GRAMD1B: variants seen among roughly 807,000 people sequenced by gnomAD.
GRAMD1B encodes the protein GRAM domain containing 1B.
In GRAMD1B, 37 loss-of-function variants were observed where a neutral mutation model predicts 99.7. The ratio of observed to expected loss-of-function variants is 0.37; its 90% CI spans 0.29 to 0.49. GRAMD1B has a LOEUF of 0.49. Among genes scored for constraint, GRAMD1B ranks in the 20% least tolerant of loss-of-function variants. The pLI, the probability that GRAMD1B is intolerant of heterozygous loss-of-function variation, is 0.98. For synonymous variants in GRAMD1B, 427 were observed against 387.6 expected (o/e 1.10, Z -1.19); for missense variants, 888 against 1,009.2 (o/e 0.88, Z 1.63).
chr11:123,493,860 T>C (rs1184741326), intron 2 of GRAMD1B, among the ~76,000 whole-genome samples: 1 of 152,168 alleles, frequency 6.6e-6, no homozygotes, highest in Non-Finnish European at 1.5e-5. Context: ...TCCCTGTTAG[T>C]GACTCATCAC....
chr11:123,611,874 G>A (rs1953633837), intron 14 of GRAMD1B, among the ~76,000 whole-genome samples: 1 of 152,166 alleles, frequency 6.6e-6, no homozygotes, highest in Non-Finnish European at 1.5e-5. Context: ...GGGCGGGATG[G>A]ATTAGCTGGG....
chr11:123,568,626 G>T (rs545661007), intron 2 of GRAMD1B, among the ~76,000 whole-genome samples: 2 of 152,244 alleles, frequency 1.3e-5, no homozygotes, highest in Admixed American at 6.5e-5. Flanking sequence ...GAAGAAAGGC[G>T]TTAGCTTGGG....
intron 2 of GRAMD1B, among the ~76,000 whole-genome samples, chr11:123,499,896 G>A (rs1330623040): frequency 6.6e-6 from 1 of 152,206 alleles, no homozygotes; most frequent in African/African-American, 2.4e-5. Flanking sequence ...CGCTTGCTGT[G>A]GGATCCACAA....
At chr11:123,527,763 G>A (rs546771135) in intron 2 of GRAMD1B, among the ~76,000 whole-genome samples, 8 of 152,180 alleles carry the variant, frequency 5.3e-5, no homozygotes, top group African/African-American at 1.7e-4. Context: ...ATCCTTCCGC[G>A]CCCCTGCTGT....
intron 4 of GRAMD1B, among the ~76,000 whole-genome samples, chr11:123,589,635 T>TATATATATATATATATAC (rs1565424182): frequency 6.8e-6 from 1 of 147,778 alleles, no homozygotes; most frequent in Admixed American, 6.7e-5. Flanking sequence ...TATATATATA[T>TATATATATATATATATAC]ATTTGTAGTA....
chr11:123,486,754 T>TAAGTCATTTCTTA (rs1937844110), intron 2 of GRAMD1B, among the ~76,000 whole-genome samples: 2 of 152,134 alleles, frequency 1.3e-5, no homozygotes, highest in African/African-American at 4.8e-5. Context: ...CTTAAGAAAT[T>TAAGTCATTTCTTA]ATGCGTAAGG....
At chr11:123,609,729 G>T (rs1200207865) in intron 12 of GRAMD1B, 66 bp from the exon 13 acceptor site, 2 of 967,394 alleles carry the variant, frequency 2.1e-6, no homozygotes, top group East Asian at 5.2e-5. Flanking sequence ...ACTTGGAGGG[G>T]AAACTTGGAT....
In GRAMD1B at chr11:123,386,771, A is replaced by C. The variant is rs1947076280; in HGVS notation, c.-176+27972A>C. The stretch of plus-strand genomic sequence containing the variant: ...GCCTCACACTATACTTCTTCCTTAA[A>C]AAACAGAAAGCTGCCCAGTCCCCAC... On this transcript the variant is annotated intron_variant, in intron 1 of 20. Transcript: ENST00000638157. 2.0e-5 allele frequency among the ~76,000 whole-genome samples: 3 copies of C among 152,168 alleles called. No homozygotes were observed. The South Asian group carries it at 6.2e-4, about 32-fold the overall frequency.
intron 2 of GRAMD1B, among the ~76,000 whole-genome samples, chr11:123,485,776 A>G (rs1259071543): frequency 2.0e-5 from 3 of 146,922 alleles, no homozygotes; most frequent in African/African-American, 5.1e-5. Context: ...GAATAGTGGC[A>G]TGATCTTGGC....
intron 2 of GRAMD1B, among the ~76,000 whole-genome samples, chr11:123,528,612 CCA>C (rs1420274731): frequency 6.6e-6 from 1 of 152,112 alleles, no homozygotes; most frequent in Non-Finnish European, 1.5e-5. Flanking sequence ...GTAAGTTTCC[CCA>C]GTGATTCACC....
At chr11:123,486,616 T>G (rs2134946516) in intron 2 of GRAMD1B, among the ~76,000 whole-genome samples, 1 of 150,834 alleles carries the variant, frequency 6.6e-6, no homozygotes, top group East Asian at 1.9e-4. Flanking sequence ...ATATTGAGCA[T>G]CTGCAAATGT....
At chr11:123,403,534 T>A (rs1446241004) in intron 1 of GRAMD1B, among the ~76,000 whole-genome samples, 1 of 151,402 alleles carries the variant, frequency 6.6e-6, no homozygotes, top group South Asian at 2.1e-4. Context: ...TTTGTTTTAG[T>A]TTTTTGTTTG....
In GRAMD1B at chr11:123,610,463, T is replaced by C; in HGVS notation, c.1919+125T>C. On this transcript the variant is annotated intron_variant, in intron 14 of 19. Coordinates refer to ENST00000635736, the MANE Select transcript of GRAMD1B (RefSeq NM_001387025.1). This position sits in a 1 kb window ranked among gnomAD's most constrained non-coding sequence, Gnocchi z 4.1. ...GCTGCTGACTCTCTTTATTCTACTT[T>C]CTCTCCGAAGCCTTATGAGGCTCAC... 1.1e-6 allele frequency: 1 copy of C among 918,652 alleles called. No homozygotes were observed. The highest frequency in any genetic ancestry group is 1.9e-5 in the Admixed American group (1 of 52,518). 56.9% of individuals were successfully genotyped at this position (918,652 alleles called of 1,614,324 possible).
chr11:123,453,509 G>T (rs1288637983), intron 1 of GRAMD1B, among the ~76,000 whole-genome samples: 1 of 151,972 alleles, frequency 6.6e-6, no homozygotes, highest in Non-Finnish European at 1.5e-5. Flanking sequence ...TAGAGACGGG[G>T]TTTCGCCATG....
chr11:123,434,209 AAC>A lies in GRAMD1B; in HGVS notation c.374+3045_374+3046del, dbSNP rs563126852. On this transcript the variant is annotated intron_variant, in intron 1 of 19. Coordinates refer to ENST00000635736, the MANE Select transcript of GRAMD1B (RefSeq NM_001387025.1). ...CTCGCCACTGCACTCCAGCCTGGGC[AAC>A]AGAGTGAGACTCCGTTTCCAAAAAA... is the stretch of plus-strand genomic sequence containing the variant. Among the ~76,000 whole-genome samples, 16 of 136,568 alleles carry A rather than the reference AAC, an allele frequency of 1.2e-4. No individual in the cohort carries two copies. In the South Asian group the frequency reaches 4.2e-3, roughly 36 times the overall value. 89.6% of individuals were successfully genotyped at this position (136,568 alleles called of 152,430 possible). A position where few individuals can be genotyped will look rare whatever the true frequency, so the allele number is the denominator to read the frequency against.
chr11:123,363,168 C>T (rs548455370), intron 1 of GRAMD1B, among the ~76,000 whole-genome samples: 207 of 152,258 alleles, frequency 1.4e-3, no homozygotes, highest in African/African-American at 5.0e-3. Flanking sequence ...AGCAGAACAG[C>T]GTGGTTTTTG....
chr11:123,400,110 A>G (rs1734851632), intron 1 of GRAMD1B, among the ~76,000 whole-genome samples: 2 of 152,142 alleles, frequency 1.3e-5, no homozygotes, highest in Non-Finnish European at 2.9e-5. Flanking sequence ...ATATTAACCT[A>G]TTATTGGATA....
chr11:123,499,245 C>T (rs1486503982), intron 2 of GRAMD1B, among the ~76,000 whole-genome samples: 1 of 152,144 alleles, frequency 6.6e-6, no homozygotes, highest in African/African-American at 2.4e-5. Context: ...ATGGCCTTGC[C>T]CTCTTGCCAT....
chr11:123,560,078 C>T lies in GRAMD1B; in HGVS notation c.453-17289C>T, dbSNP rs547697622. Among the ~76,000 whole-genome samples, 260 of 148,022 alleles carry T rather than the reference C, an allele frequency of 1.8e-3. 1 individual carries two copies. The highest frequency in any genetic ancestry group is 6.2e-3 in the African/African-American group (248 of 39,738). On this transcript the variant is annotated intron_variant, in intron 2 of 19. Coordinates refer to ENST00000635736, the MANE Select transcript of GRAMD1B (RefSeq NM_001387025.1). ...GAAGAGGAAATAACCCCCCCCCCCG[C>T]AGCCCCAGCGGCTCTGTCCTCCACG...
Sources: gnomAD v4.1 joint callset for allele counts (sites outside exome capture counted in the v4.1 genomes callset) on GRCh38, gnomAD v4.1.1 for gene constraint, Gnocchi (gnomAD v3.1) non-coding constraint, MANE v1.5 for transcripts, NCBI Gene and HGNC (gene_info 2026-07-23, HGNC 2026-07-21) for gene names.